The following ZPR1 variants were observed in gnomAD, a reference collection of about 807,000 sequenced individuals.
ZPR1 encodes the protein ZPR1 zinc finger.
In ZPR1, 37 loss-of-function variants were observed where a neutral mutation model predicts 59.6. The ratio of observed to expected loss-of-function variants is 0.62; its 90% confidence interval spans 0.48 to 0.82. ZPR1 has a LOEUF of 0.82. Ranked by LOEUF, ZPR1 falls within the 40% of genes least tolerant of loss-of-function variation. The pLI is 0.00. For synonymous variants in ZPR1, 191 were observed against 215.2 expected (o/e 0.89, Z 0.99); for missense variants, 527 against 579.9 (o/e 0.91, Z 0.94).
intron 9 of ZPR1, 110 bp downstream of exon 9, chr11:116,784,268 A>G: frequency 1.8e-6 from 2 of 1,124,700 alleles, no homozygotes; most frequent in Non-Finnish European, 1.3e-6. Flanking sequence ...AAAAGACCCA[A>G]GCTACTCTAC....
chr11:116,784,492 C>T, intron 8 of ZPR1, 44 bp from the exon 9 acceptor site: 1 of 1,577,666 alleles, frequency 6.3e-7, no homozygotes, highest in Non-Finnish European at 8.7e-7. Context: ...GCGAACAAGA[C>T]CACCATCTGG....
At chr11:116,785,387 G>A (rs1940868322) in intron 6 of ZPR1, 127 bp downstream of exon 6, 1 of 1,402,308 alleles carries the variant, frequency 7.1e-7, no homozygotes, top group Admixed American at 2.2e-5. Flanking sequence ...TAAGCAAGAT[G>A]AGAAGCACAA....
At position 116,778,969 on chromosome 11, in the gene ZPR1, T is replaced by C. The variant is rs1410972966; in HGVS notation, c.1336A>G (p.Met446Val). 1 of 1,614,218 alleles carries C rather than the reference T, an allele frequency of 6.2e-7. No homozygotes were observed. Among genetic ancestry groups the C allele is most frequent in the Non-Finnish European group, 8.5e-7 (1 of 1,180,038 alleles). The change falls in exon 14 of 14, where the codon ATG becomes GTG. Residue 446 changes from methionine (M) to valine (V), a missense_variant. By Grantham distance (21) the Met-to-Val change is conservative. Coordinates refer to ENST00000227322, the MANE Select transcript of ZPR1 (RefSeq NM_003904.5). Reference protein sequence around the residue: ...DQNEELGLNDMKTEGYEAGLA... With the variant: ...DQNEELGLNDVKTEGYEAGLA... ...CCTGCCTCATAGCCCTCTGTCTTCATGTCATTGAGCCCTAGCTCCTCATTT... is the reference window on the plus strand; with the variant it reads ...CCTGCCTCATAGCCCTCTGTCTTCACGTCATTGAGCCCTAGCTCCTCATTT...
rs1445759501 is a variant in ZPR1, at chr11:116,777,368, G to A, written c.*1557C>T. 1 of 152,204 alleles carries A rather than the reference G, an allele frequency of 6.6e-6. No homozygotes were observed. Among genetic ancestry groups the A allele is most frequent in the Non-Finnish European group, 1.5e-5 (1 of 68,054 alleles). The allele number at this position is 152,204 out of a possible 1,614,324, so 9.4% of individuals were successfully genotyped here. A position where few individuals can be genotyped will look rare whatever the true frequency, so the allele number is the denominator to read the frequency against. ...TCTCTAACTCATTCTTCAGAGTTAAGTTTGCAACACAGCCGGACGCGGTAG... is the reference window on the plus strand; with the variant it reads ...TCTCTAACTCATTCTTCAGAGTTAAATTTGCAACACAGCCGGACGCGGTAG... On this transcript the variant is annotated 3_prime_UTR_variant, in exon 14 of 14. Coordinates refer to ENST00000227322, the MANE Select transcript of ZPR1 (RefSeq NM_003904.5).
rs773127492 is a variant in ZPR1, at chr11:116,777,226, G to C, written c.*1699C>G. The C allele has an allele frequency of 6.6e-6, 1 of 152,216 alleles. No individual in the cohort carries two copies. Among genetic ancestry groups the C allele is most frequent in the Non-Finnish European group, 1.5e-5 (1 of 68,040 alleles). The allele number at this position is 152,216 out of a possible 1,614,324, so 9.4% of individuals were successfully genotyped here. ...AGAGCCAAAAGAAGGGTTAAGAAGA[G>C]ATGGTCCACTATCAAATGTGACAGA... On this transcript the variant is annotated 3_prime_UTR_variant, in exon 14 of 14. Coordinates refer to ENST00000227322, the MANE Select transcript of ZPR1 (RefSeq NM_003904.5).
Position 116,775,670 on chromosome 11 carries a change from T to C in ZPR1, c.*3255A>G, listed in dbSNP as rs1940714262. On this transcript the variant is annotated 3_prime_UTR_variant, in exon 14 of 14. Coordinates refer to ENST00000227322, the MANE Select transcript of ZPR1 (RefSeq NM_003904.5). ...AAAAAAAAAAAAAAAAAAGCTCTGC[T>C]TCCTTCTGGAAGTAACCTCTCTGAG... 6.4e-6 allele frequency: 1 copy of C among 156,568 alleles called. No homozygotes were observed. Among genetic ancestry groups the C allele is most frequent in the African/African-American group, 2.6e-5 (1 of 39,082 alleles). The allele number at this position is 156,568 out of a possible 1,614,324, so 9.7% of individuals were successfully genotyped here.
chr11:116,785,595 T>G lies in ZPR1; in HGVS notation c.624A>C (p.Pro208=), dbSNP rs746262142. 3.1e-6 allele frequency: 5 copies of G among 1,614,192 alleles called. No homozygotes were observed. In the Admixed American group the frequency reaches 8.3e-5, roughly 27 times the overall value. ...DPSGNSFVEN[P]HAPQKDDALV... is the part of the protein sequence containing the mutation. Reference sequence around the variant, plus strand: ...GGGCATCATCTTTCTGAGGAGCATGTGGGTTTTCCACAAAACTGTTCCCTG... The same window carrying G: ...GGGCATCATCTTTCTGAGGAGCATGGGGGTTTTCCACAAAACTGTTCCCTG... The change falls in exon 6 of 14, where the codon CCA becomes CCC. Residue 208 remains proline (P), a synonymous_variant. Transcript: ENST00000227322.
At position 116,778,803 on chromosome 11, in the gene ZPR1, G is replaced by T; in HGVS notation, c.*122C>A. 7.9e-7 allele frequency: 1 copy of T among 1,259,972 alleles called. No individual in the cohort carries two copies. Among genetic ancestry groups the T allele is most frequent in the Non-Finnish European group, 1.1e-6 (1 of 923,954 alleles). The allele number at this position is 1,259,972 out of a possible 1,614,324, so 78.0% of individuals were successfully genotyped here. On this transcript the variant is annotated 3_prime_UTR_variant, in exon 14 of 14. Transcript: ENST00000227322. ...CACAGATCTCTGACTCAGACCAGAT[G>T]TCCTCCCCACCATGGGCAAGGGCTG...
At chr11:116,787,239 G>A (rs2134198940) in intron 2 of ZPR1, 180 bp from the exon 3 acceptor site, 1 of 674,928 alleles carries the variant, frequency 1.5e-6, no homozygotes, top group Admixed American at 2.9e-5. Context: ...CTGTCCAAAT[G>A]GTGAGAATAC....
intron 4 of ZPR1, 129 bp downstream of exon 4, chr11:116,786,382 C>T: frequency 2.2e-6 from 2 of 922,664 alleles, no homozygotes; most frequent in Non-Finnish European, 3.4e-6. Flanking sequence ...AACATTCTAG[C>T]AGCTCCAGCA....
chr11:116,787,197 C>G, intron 2 of ZPR1, 138 bp from the exon 3 acceptor site: 1 of 796,580 alleles, frequency 1.3e-6, no homozygotes. Flanking sequence ...CCAGACTGCT[C>G]CTTTCGAATA....
chr11:116,782,804 G>A (rs1042927745), intron 11 of ZPR1, 115 bp downstream of exon 11: 1 of 764,112 alleles, frequency 1.3e-6, no homozygotes, highest in African/African-American at 1.7e-5. Flanking sequence ...CCAGCTTTAA[G>A]GCAAAGAAAC....
At chr11:116,785,980 A>T in intron 4 of ZPR1, 98 bp from the exon 5 acceptor site, 1 of 1,038,372 alleles carries the variant, frequency 9.6e-7, no homozygotes, top group Non-Finnish European at 1.5e-6. Flanking sequence ...GTCACCACCT[A>T]TCTCAGTGTG....
At chr11:116,779,328 A>C (rs1200384596) in intron 13 of ZPR1, among the ~76,000 whole-genome samples, 1 of 152,144 alleles carries the variant, frequency 6.6e-6, no homozygotes, top group Non-Finnish European at 1.5e-5. Flanking sequence ...AAATGGTCTT[A>C]ATCTTGGAAA....
rs770449193 is a variant in ZPR1, at chr11:116,774,440, GT to G, written c.*4484del. The G allele has an allele frequency of 5.3e-5, 8 of 152,074 alleles. No homozygotes were observed. Among genetic ancestry groups the G allele is most frequent in the Non-Finnish European group, 8.8e-5 (6 of 68,030 alleles). The allele number at this position is 152,074 out of a possible 1,614,324, so 9.4% of individuals were successfully genotyped here. ...CAACTACACAAAAGTGCAAACAATA[GT>G]TTCTTGGACCAAGAGTCAAAAAGGT... On this transcript the variant is annotated 3_prime_UTR_variant, in exon 14 of 14. Coordinates refer to ENST00000227322, the MANE Select transcript of ZPR1 (RefSeq NM_003904.5).
In ZPR1 at chr11:116,779,073, G is replaced by A; in HGVS notation, c.1246-14C>T. 1.2e-6 allele frequency: 2 copies of A among 1,613,724 alleles called. No homozygotes were observed. The highest frequency in any genetic ancestry group is 1.3e-5 in the African/African-American group (1 of 75,050). ...CGCATACACATTCTGCAAGGTCAAGGAGAGACAATCAGTGCCGCTGTGCCA... is the reference window on the plus strand; with the variant it reads ...CGCATACACATTCTGCAAGGTCAAGAAGAGACAATCAGTGCCGCTGTGCCA... On this transcript the variant is annotated splice_polypyrimidine_tract_variant and intron_variant, in intron 13 of 13. Coordinates refer to ENST00000227322, the MANE Select transcript of ZPR1 (RefSeq NM_003904.5).
intron 12 of ZPR1, among the ~76,000 whole-genome samples, chr11:116,781,872 CG>C (rs1450689717): frequency 6.6e-6 from 1 of 151,824 alleles, no homozygotes; most frequent in Non-Finnish European, 1.5e-5. Context: ...ATTAGCCAGG[CG>C]TGGTGGTGTG....
In ZPR1 at chr11:116,779,016, C is replaced by G. The variant is rs150719892; in HGVS notation, c.1289G>C (p.Arg430Pro). ...ATTTTGGTCAAAGGTGCGCTTGTAA[C>G]GCTCCACCTTCATCTCAGGATCATC... ...PEDDPEMKVE[R>P]YKRTFDQNEE... The change falls in exon 14 of 14, where the codon CGT becomes CCT. Residue 430 changes from arginine (R) to proline (P), a missense_variant. Transcript: ENST00000227322. 638 of 1,614,044 alleles carry G rather than the reference C, an allele frequency of 4.0e-4. No individual in the cohort carries two copies. Among genetic ancestry groups the G allele is most frequent in the Non-Finnish European group, 5.3e-4 (622 of 1,180,044 alleles).
Position 116,785,598 on chromosome 11 carries a change from G to T in ZPR1, c.621C>A (p.Asn207Lys), listed in dbSNP as rs138148308. 7.5e-4 allele frequency: 1,214 copies of T among 1,614,146 alleles called. No individual in the cohort carries two copies. Among genetic ancestry groups the T allele is most frequent in the Non-Finnish European group, 9.1e-4 (1,077 of 1,180,028 alleles). ...DDPSGNSFVE[N>K]PHAPQKDDAL... ...CATCATCTTTCTGAGGAGCATGTGG[G>T]TTTTCCACAAAACTGTTCCCTGAGG... Residue 207 changes from asparagine to lysine, a missense_variant, in exon 6 of 14, where the codon AAC becomes AAA. Physicochemically the swap from Asn to Lys is moderately conservative, Grantham distance 94. Coordinates refer to ENST00000227322, the MANE Select transcript of ZPR1 (RefSeq NM_003904.5).
Sources: gnomAD v4.1 joint callset for allele counts (sites outside exome capture counted in the v4.1 genomes callset) on GRCh38, gnomAD v4.1.1 for gene constraint, MANE v1.5 for transcripts, NCBI Gene and HGNC (gene_info 2026-07-23, HGNC 2026-07-21) for gene names.